The following CYLC2 variants were observed in gnomAD, a reference collection of about 807,000 sequenced individuals.
CYLC2 encodes the protein cylicin-2.
Under a neutral mutation model 26.1 loss-of-function variants are expected in CYLC2, and 30 were observed. The ratio of observed to expected loss-of-function variants is 1.15; its 90% CI spans 0.86 to 1.56. The LOEUF is 1.56. Among genes scored for constraint, CYLC2 ranks in the 40% most tolerant of loss-of-function variants. The pLI is 0.00. For synonymous variants in CYLC2, 158 were observed against 132.8 expected (o/e 1.19, Z -1.31); for missense variants, 498 against 394.4 (o/e 1.26, Z -2.23).
intron 5 of CYLC2, among the ~76,000 whole-genome samples, chr9:103,007,536 C>G (rs1391541164): frequency 1.3e-5 from 2 of 152,094 alleles, no homozygotes; most frequent in Non-Finnish European, 2.9e-5. Context: ...AATTAACTTA[C>G]TGTCTCTAAA....
intron 1 of CYLC2, among the ~76,000 whole-genome samples, chr9:103,000,627 C>T (rs747537914): frequency 5.3e-5 from 8 of 151,876 alleles, no homozygotes; most frequent in East Asian, 1.9e-4. Flanking sequence ...TTTTATAGCA[C>T]GAAAAAATGT....
chr9:103,011,769 T>TA (rs1250416648), intron 5 of CYLC2, among the ~76,000 whole-genome samples: 10 of 151,948 alleles, frequency 6.6e-5, no homozygotes. Flanking sequence ...ATCCTAAACT[T>TA]ATATGCAAGT....
chr9:103,001,129 G>T (rs554607130), intron 1 of CYLC2, among the ~76,000 whole-genome samples: 1 of 151,812 alleles, frequency 6.6e-6, no homozygotes, highest in South Asian at 2.1e-4. Context: ...ACTATTTTGA[G>T]GATATGCTTT....
intron 5 of CYLC2, among the ~76,000 whole-genome samples, chr9:103,007,746 C>G (rs900108395): frequency 3.5e-4 from 53 of 152,118 alleles, no homozygotes; most frequent in African/African-American, 1.3e-3. Context: ...TCTTTTTATT[C>G]TTCCTGACAC....
rs1829328409 is a variant in CYLC2 at position 103,005,149 on chromosome 9, A to T, written c.518A>T (p.Asp173Val). ...AAAAAGGATGCAGAGAAGGGCAAAG[A>T]CTCAGCAACAGAATCTGAAGATGAA... is the stretch of plus-strand genomic sequence containing the variant. ...KGKKDAEKGK[D>V]SATESEDEKG... The change falls in exon 5 of 8, where the codon GAC (aspartate) becomes GTC (valine). Residue 173 changes from aspartate to valine, a missense_variant. Physicochemically the swap from Asp to Val is radical, Grantham distance 152. Coordinates refer to ENST00000374798, the MANE Select transcript of CYLC2 (RefSeq NM_001340.5). The T allele has an allele frequency of 6.2e-7, 1 of 1,606,598 alleles. No individual in the cohort carries two copies. Among genetic ancestry groups the T allele is most frequent in the Admixed American group, 1.7e-5 (1 of 57,832 alleles).
intron 2 of CYLC2, among the ~76,000 whole-genome samples, chr9:103,002,140 G>A (rs1829294526): frequency 6.6e-6 from 1 of 151,942 alleles, no homozygotes; most frequent in Admixed American, 6.6e-5. Flanking sequence ...CATAGGAAAT[G>A]TCTATTATTT....
At chr9:103,006,604 C>T (rs978947597) in intron 5 of CYLC2, among the ~76,000 whole-genome samples, 10 of 151,830 alleles carry the variant, frequency 6.6e-5, no homozygotes, top group African/African-American at 2.4e-4. Flanking sequence ...TTAGTAGAGA[C>T]GGGGTTTCAC....
At chr9:102,996,139 T>G (rs2118216853) in intron 1 of CYLC2, among the ~76,000 whole-genome samples, 2 of 151,930 alleles carry the variant, frequency 1.3e-5, no homozygotes, top group Middle Eastern at 6.8e-3. Flanking sequence ...AACATGAATA[T>G]TAAAAATAAA....
chr9:103,015,497 C>T (rs1829493831), intron 6 of CYLC2, among the ~76,000 whole-genome samples: 1 of 133,588 alleles, frequency 7.5e-6, no homozygotes, highest in South Asian at 2.3e-4. Flanking sequence ...AATTATATAA[C>T]ATATAAATAT....
chr9:102,995,525 G>A, intron 1 of CYLC2, 128 bp downstream of exon 1: 1 of 705,474 alleles, frequency 1.4e-6, no homozygotes, highest in Non-Finnish European at 2.4e-6. Flanking sequence ...ATGTGTTTAA[G>A]CAGACAAAGA....
intron 7 of CYLC2, among the ~76,000 whole-genome samples, chr9:103,017,843 C>T (rs545933704): frequency 4.6e-5 from 7 of 152,088 alleles, no homozygotes; most frequent in African/African-American, 1.7e-4. Context: ...TCTCCTTGGC[C>T]TCTATGTGGC....
At position 103,005,899 on chromosome 9, in the gene CYLC2, CTT is replaced by C. The variant is rs1292354888; in HGVS notation, c.*222_*223del. On this transcript the variant is annotated 3_prime_UTR_variant, in exon 5 of 8. Coordinates refer to ENST00000374798, the MANE Select transcript of CYLC2 (RefSeq NM_001340.5). ...AATTAAGGGGGGATCCATTGAAAGACTTGAAGAATACATATACTTATATTCGG... is the reference window on the plus strand; with the variant it reads ...AATTAAGGGGGGATCCATTGAAAGACGAAGAATACATATACTTATATTCGG... 2 of 506,406 alleles carry C rather than the reference CTT, an allele frequency of 3.9e-6. No individual in the cohort carries two copies. The highest frequency in any genetic ancestry group is 6.9e-6 in the Non-Finnish European group (2 of 290,740). 31.4% of individuals were successfully genotyped at this position (506,406 alleles called of 1,614,324 possible). A position where few individuals can be genotyped will look rare whatever the true frequency, so the allele number is the denominator to read the frequency against.
intron 2 of CYLC2, 93 bp downstream of exon 2, chr9:103,001,711 C>A: frequency 2.5e-6 from 2 of 789,642 alleles, no homozygotes; most frequent in South Asian, 1.8e-5. Context: ...CAAACATTGC[C>A]ATGGAATAAA....
intron 6 of CYLC2, among the ~76,000 whole-genome samples, chr9:103,013,878 TATA>T (rs1177605280): frequency 8.8e-6 from 1 of 113,194 alleles, no homozygotes; most frequent in Non-Finnish European, 1.6e-5. Flanking sequence ...ATATTATACA[TATA>T]ATAAATAATA....
At position 103,005,633 on chromosome 9, in the gene CYLC2, T is replaced by G; in HGVS notation, c.1002T>G (p.Asn334Lys). 6.2e-7 allele frequency: 1 copy of G among 1,612,348 alleles called. No homozygotes were observed. The highest frequency in any genetic ancestry group is 8.5e-7 in the Non-Finnish European group (1 of 1,179,532). Residue 334 changes from asparagine (N) to lysine (K), a missense_variant, in exon 5 of 8, where the codon AAT becomes AAG. Physicochemically the swap from Asn to Lys is moderately conservative, Grantham distance 94. Transcript: ENST00000374798. ...ATGCAAAGAAGGATGCAAAGAAGAA[T>G]GCAAAGAAGGATGAAAAGAAGGATG... ...KKDAKKDAKK[N>K]AKKDEKKDAK...
rs570884205 is a variant in CYLC2, at chr9:103,003,237, T to C, written c.154T>C (p.Ser52Pro). Residue 52 changes from serine (S) to proline (P), a missense_variant, in exon 3 of 8, where the codon TCT (serine) becomes CCT (proline). Physicochemically the swap from Ser to Pro is moderately conservative, Grantham distance 74. Coordinates refer to ENST00000374798, the MANE Select transcript of CYLC2 (RefSeq NM_001340.5). ...RPGTKRRSKP[S>P]QIRDNTVSII... The stretch of plus-strand genomic sequence containing the variant: ...AGGAACCAAAAGGAGATCAAAACCT[T>C]CTCAAATACGGGACAACACGGTTTC... The C allele has an allele frequency of 2.7e-5, 43 of 1,613,780 alleles. No homozygotes were observed. In the East Asian group the frequency reaches 8.9e-4, roughly 33 times the overall value.
intron 5 of CYLC2, 47 bp downstream of exon 5, chr9:103,006,425 ATTTT>A (rs59094326): frequency 0.64 from 94,947 of 147,996 alleles, 30,165 homozygotes; most frequent in South Asian, 0.83. Context: ...TTATTTATTT[ATTTT>A]TTGAGATGGA....
At chr9:103,003,914 G>T (rs1261111940) in intron 3 of CYLC2, among the ~76,000 whole-genome samples, 1 of 151,990 alleles carries the variant, frequency 6.6e-6, no homozygotes. Flanking sequence ...GTCAACATGG[G>T]ATAAGCATAT....
At chr9:103,008,156 TAA>T (rs36030263) in intron 5 of CYLC2, among the ~76,000 whole-genome samples, 30,329 of 151,932 alleles carry the variant, frequency 0.2, 3,183 homozygotes, top group South Asian at 0.29. Flanking sequence ...TTTTCCTCTA[TAA>T]AAAGGCCCTT....
Sources: gnomAD v4.1 joint callset for allele counts (sites outside exome capture counted in the v4.1 genomes callset) on GRCh38, gnomAD v4.1.1 for gene constraint, MANE v1.5 for transcripts, NCBI Gene and HGNC (gene_info 2026-07-23, HGNC 2026-07-21) for gene names.